The following PALM2AKAP2 variants were observed in gnomAD, a reference collection of about 807,000 sequenced individuals.
PALM2AKAP2 encodes PALM2-AKAP2 fusion protein.
In PALM2AKAP2, 37 loss-of-function variants were observed where a neutral mutation model predicts 71.5. The observed-to-expected ratio is 0.52, with a 90% CI of 0.40 to 0.68. The LOEUF (loss-of-function observed/expected upper bound fraction) is 0.68, where lower values mean the gene tolerates loss of function less well. Ranked by LOEUF, PALM2AKAP2 falls within the 30% of genes least tolerant of loss-of-function variation. The pLI is 0.00. For missense variants in PALM2AKAP2, 1,224 were observed against 1,191.8 expected (o/e 1.03, Z -0.40); for synonymous variants, 468 against 478.8 (o/e 0.98, Z 0.29).
intron 1 of PALM2AKAP2, among the ~76,000 whole-genome samples, chr9:109,679,975 A>G (rs536054865): frequency 6.6e-6 from 1 of 152,326 alleles, no homozygotes; most frequent in South Asian, 2.1e-4. Flanking sequence ...CATCTGTAAA[A>G]TGGAATAATA....
intron 6 of PALM2AKAP2, among the ~76,000 whole-genome samples, chr9:110,010,385 G>A (rs573087069): frequency 6.6e-6 from 1 of 150,384 alleles, no homozygotes; most frequent in Non-Finnish European, 1.5e-5. Flanking sequence ...GTTTGAAAGT[G>A]CAGTATATAG....
At chr9:110,014,829 TATATATATATATATATATATATAC>T (rs1287163002) in intron 6 of PALM2AKAP2, among the ~76,000 whole-genome samples, 1 of 121,562 alleles carries the variant, frequency 8.2e-6, no homozygotes, top group Non-Finnish European at 1.7e-5. Flanking sequence ...TATATATATA[TATATATATATATATATATATATAC>T]ACACACACAC....
intron 6 of PALM2AKAP2, among the ~76,000 whole-genome samples, chr9:109,959,644 CAA>C (rs11441362): frequency 8.3e-4 from 75 of 90,602 alleles, no homozygotes; most frequent in Admixed American, 5.7e-3. Flanking sequence ...GACTCCGTCT[CAA>C]AAAAAAAAAA....
At chr9:110,004,863 G>A (rs550573416) in intron 6 of PALM2AKAP2, among the ~76,000 whole-genome samples, 7 of 152,232 alleles carry the variant, frequency 4.6e-5, no homozygotes, top group East Asian at 1.9e-4. Context: ...TTCTCGTGCC[G>A]TGGTTTTCAG....
At chr9:109,817,015 C>G (rs1935304) in intron 1 of PALM2AKAP2, among the ~76,000 whole-genome samples, 33,307 of 152,098 alleles carry the variant, frequency 0.22, 4,110 homozygotes, top group South Asian at 0.36. Flanking sequence ...CTTTATTCAA[C>G]CAGATTTATT....
intron 6 of PALM2AKAP2, among the ~76,000 whole-genome samples, chr9:109,993,457 A>T (rs540016984): frequency 2.0e-5 from 3 of 152,320 alleles, no homozygotes; most frequent in African/African-American, 7.2e-5. Flanking sequence ...ACGTGCATTT[A>T]TCACATGCCC....
At chr9:109,941,295 A>C (rs1251148892) in intron 6 of PALM2AKAP2, among the ~76,000 whole-genome samples, 1 of 152,064 alleles carries the variant, frequency 6.6e-6, no homozygotes, top group African/African-American at 2.4e-5. Context: ...AAGAAGACAG[A>C]AGTGTTAGGT....
rs1304200183 is a variant in PALM2AKAP2 at position 109,971,282 on chromosome 9, C to CTTTTT, written c.496+39254_496+39255insTTTTT. ...TTCCATGTTTATCCCACTCTTAGTC[C>CTTTTT]CTTTTTTTTTTTTTTTTTTTTTTTT... is the stretch of plus-strand genomic sequence containing the variant. On this transcript the variant is annotated intron_variant, in intron 6 of 9. Transcript: ENST00000302798. 1.7e-4 allele frequency among the ~76,000 whole-genome samples: 17 copies of CTTTTT among 100,754 alleles called. No individual in the cohort carries two copies. In the East Asian group the frequency reaches 2.9e-3, roughly 17 times the overall value. 66.1% of individuals were successfully genotyped at this position (100,754 alleles called of 152,430 possible).
At chr9:109,786,835 G>A (rs1227628924) in intron 1 of PALM2AKAP2, among the ~76,000 whole-genome samples, 1 of 152,202 alleles carries the variant, frequency 6.6e-6, no homozygotes, top group Non-Finnish European at 1.5e-5. Context: ...CTAAGTGAGG[G>A]GGGTTGTGGG....
chr9:109,944,136 A>G (rs1303059059), intron 6 of PALM2AKAP2: 1 of 152,510 alleles, frequency 6.6e-6, no homozygotes, highest in East Asian at 1.9e-4. Context: ...TTAACCGATG[A>G]ACCCTTTATA....
intron 6 of PALM2AKAP2, among the ~76,000 whole-genome samples, chr9:109,959,780 T>A (rs1831820716): frequency 6.6e-6 from 1 of 152,162 alleles, no homozygotes; most frequent in African/African-American, 2.4e-5. Context: ...GAGTTTGTTT[T>A]CATGTCTTTT....
At chr9:109,704,547 C>A (rs891608496) in intron 1 of PALM2AKAP2, among the ~76,000 whole-genome samples, 2 of 152,190 alleles carry the variant, frequency 1.3e-5, no homozygotes, top group African/African-American at 4.8e-5. Context: ...TCCACCCTCA[C>A]AGATTTTAAA....
intron 1 of PALM2AKAP2, among the ~76,000 whole-genome samples, chr9:109,857,532 C>G (rs1031327871): frequency 1.3e-5 from 2 of 152,308 alleles, no homozygotes; most frequent in East Asian, 3.9e-4. Context: ...TTCAACAGCT[C>G]ATTTGCCCTG....
At chr9:109,910,749 G>C (rs911778051) in intron 3 of PALM2AKAP2, among the ~76,000 whole-genome samples, 1 of 152,026 alleles carries the variant, frequency 6.6e-6, no homozygotes, top group Non-Finnish European at 1.5e-5. Context: ...GGTGAGGGCA[G>C]AGGGACTGAG....
At chr9:109,889,540 C>G (rs1227821527) in intron 3 of PALM2AKAP2, among the ~76,000 whole-genome samples, 1 of 152,152 alleles carries the variant, frequency 6.6e-6, no homozygotes, top group Non-Finnish European at 1.5e-5. Flanking sequence ...GCCCTATCCT[C>G]CAAGGACCAC....
chr9:110,015,512 G>T (rs1394182613), intron 6 of PALM2AKAP2, among the ~76,000 whole-genome samples: 2 of 152,152 alleles, frequency 1.3e-5, no homozygotes, highest in Non-Finnish European at 1.5e-5. Flanking sequence ...GGAGGCTGAG[G>T]CAGGAGAATT....
intron 2 of PALM2AKAP2, among the ~76,000 whole-genome samples, chr9:110,145,781 G>A: frequency 6.6e-6 from 1 of 150,810 alleles, no homozygotes. Flanking sequence ...GGTGTGCAAT[G>A]AAATCAGGAC....
intron 1 of PALM2AKAP2, among the ~76,000 whole-genome samples, chr9:109,857,467 A>G (rs1356243153): frequency 6.6e-6 from 1 of 152,238 alleles, no homozygotes; most frequent in African/African-American, 2.4e-5. Context: ...TCACAAATGT[A>G]AGAGGCCTCC....
intron 1 of PALM2AKAP2, among the ~76,000 whole-genome samples, chr9:110,129,955 G>A (rs1835696977): frequency 6.6e-6 from 1 of 152,176 alleles, no homozygotes; most frequent in Admixed American, 6.5e-5. Flanking sequence ...CACATGTAAG[G>A]ATCTGGGGTT....
Sources: gnomAD v4.1 joint callset for allele counts (sites outside exome capture counted in the v4.1 genomes callset) on GRCh38, gnomAD v4.1.1 for gene constraint, MANE v1.5 for transcripts, NCBI Gene and HGNC (gene_info 2026-07-23, HGNC 2026-07-21) for gene names.